WDFY3: variants seen among roughly 807,000 people sequenced by gnomAD.
WDFY3 encodes WD repeat and FYVE domain containing 3, also known as WD repeat and FYVE domain-containing protein 3.
A neutral mutation model predicts 409.6 loss-of-function variants in WDFY3; 66 were observed. That is an observed-to-expected ratio of 0.16 (90% CI 0.13 to 0.20). WDFY3 has a LOEUF of 0.20. Ranked by LOEUF, WDFY3 falls within the 10% of genes least tolerant of loss-of-function variation. The pLI, the probability that WDFY3 is intolerant of heterozygous loss-of-function variation, is 1.00. For synonymous variants in WDFY3, 1,521 were observed against 1,537.1 expected (o/e 0.99, Z 0.25); for missense variants, 3,031 against 4,298.1 (o/e 0.71, Z 8.24).
In WDFY3 at chr4:84,721,472, G is replaced by A; in HGVS notation, c.7542C>T (p.Ser2514=). 6.2e-7 allele frequency: 1 copy of A among 1,613,426 alleles called. No individual in the cohort carries two copies. The highest frequency in any genetic ancestry group is 2.2e-5 in the East Asian group (1 of 44,874). ...TATCTGTTTTCTCCTCCTCTTCTAT[G>A]GAGCTGCCCTCAGCAATCTGGTCTT... ...QLQDQIAEGS[S]IEEEEKTDNA... is the part of the protein sequence containing the mutation. Residue 2514 remains serine, a synonymous_variant, in exon 47 of 68, where the codon TCC becomes TCT. Coordinates refer to ENST00000295888, the MANE Select transcript of WDFY3 (RefSeq NM_014991.6).
At chr4:84,702,616 C>A in intron 55 of WDFY3, 110 bp from the exon 56 acceptor site, 1 of 951,122 alleles carries the variant, frequency 1.1e-6, no homozygotes, top group Non-Finnish European at 1.5e-6. Context: ...ATTTCAATTT[C>A]CCATTATCCT....
chr4:84,749,300 A>G (rs1042802306), intron 36 of WDFY3, among the ~76,000 whole-genome samples: 48 of 152,300 alleles, frequency 3.2e-4, no homozygotes, highest in African/African-American at 1.1e-3. Flanking sequence ...GAATGTTAAT[A>G]TTTCATTAAT....
At chr4:84,765,167 A>G (rs1046817730) in intron 32 of WDFY3, among the ~76,000 whole-genome samples, 1 of 152,156 alleles carries the variant, frequency 6.6e-6, no homozygotes, top group Non-Finnish European at 1.5e-5. Flanking sequence ...CTTCAAATAT[A>G]TATTTTCCAA....
At chr4:84,724,745 G>T in intron 45 of WDFY3, 151 bp from the exon 46 acceptor site, 1 of 735,720 alleles carries the variant, frequency 1.4e-6, no homozygotes, top group Non-Finnish European at 1.9e-6. Flanking sequence ...CACACTTTTG[G>T]GTTAAGTTTC....
chr4:84,717,131 C>A (rs1734073291), intron 48 of WDFY3, 115 bp from the exon 49 acceptor site: 2 of 1,139,788 alleles, frequency 1.8e-6, no homozygotes, highest in Non-Finnish European at 2.3e-6. Flanking sequence ...TAATATATAT[C>A]AGAATTTTCA....
intron 3 of WDFY3, among the ~76,000 whole-genome samples, chr4:84,876,142 C>T (rs998713508): frequency 6.6e-6 from 1 of 152,164 alleles, no homozygotes; most frequent in Non-Finnish European, 1.5e-5. Flanking sequence ...ACCATGAACA[C>T]GTGAGTTGTG....
At chr4:84,960,906 T>C (rs1774829581) in intron 1 of WDFY3, among the ~76,000 whole-genome samples, 1 of 152,196 alleles carries the variant, frequency 6.6e-6, no homozygotes, top group Non-Finnish European at 1.5e-5. Context: ...TTTAATCCTT[T>C]GTCCACACTA....
At chr4:84,715,729 C>T (rs1490290548) in intron 49 of WDFY3, among the ~76,000 whole-genome samples, 7 of 144,282 alleles carry the variant, frequency 4.9e-5, no homozygotes, top group East Asian at 2.0e-4. Flanking sequence ...GAGCCAAGAT[C>T]GCGCCACTGC....
At chr4:84,783,154 G>T in intron 24 of WDFY3, 80 bp from the exon 25 acceptor site, 1 of 1,254,520 alleles carries the variant, frequency 8.0e-7, no homozygotes, top group Non-Finnish European at 1.2e-6. Context: ...CCAAACACAT[G>T]AATGGTAACA....
chr4:84,747,060 C>T (rs1739577929), intron 36 of WDFY3, among the ~76,000 whole-genome samples: 1 of 152,132 alleles, frequency 6.6e-6, no homozygotes, highest in Non-Finnish European at 1.5e-5. Context: ...GGTTGGCCCA[C>T]CAGACAACCA....
chr4:84,898,171 T>C (rs937134493), intron 2 of WDFY3, among the ~76,000 whole-genome samples: 1 of 152,194 alleles, frequency 6.6e-6, no homozygotes, highest in Non-Finnish European at 1.5e-5. Flanking sequence ...CAACAGCTAT[T>C]ATGTGTCTAG....
intron 2 of WDFY3, among the ~76,000 whole-genome samples, chr4:84,901,516 A>G (rs1028627659): frequency 2.6e-5 from 4 of 152,206 alleles, no homozygotes; most frequent in Non-Finnish European, 5.9e-5. Context: ...CTCCATAAGC[A>G]TAAGAAATAA....
Position 84,884,838 on chromosome 4 carries a change from A to T in WDFY3, c.-32+12073T>A, listed in dbSNP as rs74328115. On this transcript the variant is annotated intron_variant, in intron 3 of 67. Coordinates refer to ENST00000295888, the MANE Select transcript of WDFY3 (RefSeq NM_014991.6). ...TAATTGTCACAGAAAACGGTATATA[A>T]CAATCATGTAAATGGTACTGAGAAA... Among the ~76,000 whole-genome samples, 234 of 152,328 alleles carry T rather than the reference A, an allele frequency of 1.5e-3. 2 individuals carry two copies. The highest frequency in any genetic ancestry group is 5.4e-3 in the African/African-American group (223 of 41,576).
At chr4:84,696,942 C>A (rs572478541) in intron 56 of WDFY3, 119 bp from the exon 57 acceptor site, 523 of 788,734 alleles carry the variant, frequency 6.6e-4, no homozygotes, top group Non-Finnish European at 9.6e-4. Flanking sequence ...TAAAATTGTA[C>A]ACCAGAAAGG....
chr4:84,693,563 C>CA (rs1275876392), intron 58 of WDFY3, among the ~76,000 whole-genome samples: 1 of 152,020 alleles, frequency 6.6e-6, no homozygotes, highest in Non-Finnish European at 1.5e-5. Context: ...AAAAAGAAAA[C>CA]AAAAATGTGC....
intron 32 of WDFY3, among the ~76,000 whole-genome samples, chr4:84,758,190 T>C (rs781151560): frequency 1.4e-4 from 21 of 152,320 alleles, no homozygotes; most frequent in Middle Eastern, 3.4e-3. Context: ...TAGCAACTAA[T>C]AGATGAGGAA....
intron 38 of WDFY3, among the ~76,000 whole-genome samples, chr4:84,741,216 C>T (rs1738351790): frequency 6.6e-6 from 1 of 152,010 alleles, no homozygotes; most frequent in Non-Finnish European, 1.5e-5. Context: ...TTAAATCTAT[C>T]TGGGTAGCAA....
chr4:84,700,291 A>G (rs536645369), intron 56 of WDFY3, among the ~76,000 whole-genome samples: 1 of 152,232 alleles, frequency 6.6e-6, no homozygotes, highest in South Asian at 2.1e-4. Context: ...TGCAGCCTCA[A>G]CTCCTGGGGT....
chr4:84,685,748 T>C (rs1422686656), intron 62 of WDFY3, among the ~76,000 whole-genome samples: 2 of 152,196 alleles, frequency 1.3e-5, no homozygotes, highest in Non-Finnish European at 2.9e-5. Context: ...TCATGACTTA[T>C]TAAGATATTA....
Sources: gnomAD v4.1 joint callset for allele counts (sites outside exome capture counted in the v4.1 genomes callset) on GRCh38, gnomAD v4.1.1 for gene constraint, MANE v1.5 for transcripts, NCBI Gene and HGNC (gene_info 2026-07-23, HGNC 2026-07-21) for gene names.